Variants in LRP1B observed in about 807,000 individuals in gnomAD.
The protein encoded by LRP1B is LDL receptor related protein 1B, also known as low-density lipoprotein receptor-related protein 1B.
LRP1B carries 217 observed loss-of-function variants against 556.6 expected under a neutral mutation model. The ratio of observed to expected loss-of-function variants is 0.39; its 90% confidence interval spans 0.35 to 0.44. The LOEUF is 0.44. Ranked by LOEUF, LRP1B falls within the 20% of genes least tolerant of loss-of-function variation. The pLI, the probability that LRP1B is intolerant of heterozygous loss-of-function variation, is 1.00. For synonymous variants in LRP1B, 2,047 were observed against 1,865.8 expected (o/e 1.10, Z -2.50); for missense variants, 5,053 against 5,620.8 (o/e 0.90, Z 3.23).
intron 41 of LRP1B, among the ~76,000 whole-genome samples, chr2:140,697,071 A>T (rs972909586): frequency 6.6e-6 from 1 of 152,142 alleles, no homozygotes; most frequent in Non-Finnish European, 1.5e-5. Context: ...CTGTGATTTG[A>T]ACCCTGGGCT....
intron 41 of LRP1B, chr2:140,683,429 A>G (rs1392125002): frequency 5.5e-6 from 3 of 540,912 alleles, no homozygotes; most frequent in African/African-American, 1.9e-5. Flanking sequence ...GTTGAGGTGG[A>G]TAGTGCCACC....
rs529607241 is a variant in LRP1B, at chr2:141,697,533, G to A, written c.205+112746C>T. On this transcript the variant is annotated intron_variant, in intron 2 of 90. Coordinates refer to ENST00000389484, the MANE Select transcript of LRP1B (RefSeq NM_018557.3). ...AGACTACCTGAAGAAGCACTGGAAAGTAAATATAGATAGTTAAATGTAAAG... is the reference window on the plus strand; with the variant it reads ...AGACTACCTGAAGAAGCACTGGAAAATAAATATAGATAGTTAAATGTAAAG... Among the ~76,000 whole-genome samples the A allele has an allele frequency of 1.4e-3, 215 of 152,068 alleles. 1 individual carries two copies. Among genetic ancestry groups the A allele is most frequent in the Non-Finnish European group, 9.7e-4 (66 of 67,916 alleles).
At chr2:141,332,606 C>T (rs1018112968) in intron 3 of LRP1B, among the ~76,000 whole-genome samples, 2 of 151,778 alleles carry the variant, frequency 1.3e-5, no homozygotes, top group Non-Finnish European at 2.9e-5. Flanking sequence ...TGGGTTCTGT[C>T]TGTTCACAGC....
intron 68 of LRP1B, among the ~76,000 whole-genome samples, chr2:140,377,433 A>G (rs1310150060): frequency 6.6e-6 from 1 of 152,088 alleles, no homozygotes; most frequent in Non-Finnish European, 1.5e-5. Context: ...TGTGTTTCTG[A>G]TATTATCCAT....
intron 8 of LRP1B, among the ~76,000 whole-genome samples, chr2:141,061,267 A>G (rs1476690315): frequency 1.3e-5 from 2 of 151,802 alleles, no homozygotes; most frequent in African/African-American, 4.8e-5. Flanking sequence ...CTGATTAGAA[A>G]GTAAAAGTAA....
In LRP1B at chr2:140,742,506, C is replaced by T. The variant is rs552315763; in HGVS notation, c.5759-25690G>A. ...TCTTGCTATTCAATAAAACAGACGA[C>T]GAGAAGGAAACAATTCAACTGCTAC... is the stretch of plus-strand genomic sequence containing the variant. On this transcript the variant is annotated intron_variant, in intron 35 of 90. Transcript: ENST00000389484. Among the ~76,000 whole-genome samples, 12 of 152,038 alleles carry T rather than the reference C, an allele frequency of 7.9e-5. No individual in the cohort carries two copies. In the Middle Eastern group the frequency reaches 0.01, roughly 129 times the overall value.
chr2:140,463,068 TAAAC>T (rs1316069329), intron 60 of LRP1B, among the ~76,000 whole-genome samples: 3 of 152,086 alleles, frequency 2.0e-5, no homozygotes, highest in Non-Finnish European at 2.9e-5. Context: ...GGGGTGAGAT[TAAAC>T]AAAGGCTATG....
intron 2 of LRP1B, among the ~76,000 whole-genome samples, chr2:141,637,950 C>T (rs969231569): frequency 3.3e-5 from 5 of 152,088 alleles, no homozygotes; most frequent in African/African-American, 1.2e-4. Flanking sequence ...TCTGTAATCC[C>T]AACTCTTTAA....
At chr2:141,858,146 C>A (rs368355196) in intron 1 of LRP1B, among the ~76,000 whole-genome samples, 2 of 152,170 alleles carry the variant, frequency 1.3e-5, no homozygotes, top group South Asian at 4.1e-4. Context: ...AAAATACCTG[C>A]GTTAAATTTT....
intron 66 of LRP1B, among the ~76,000 whole-genome samples, chr2:140,400,661 T>C (rs1684456534): frequency 6.6e-6 from 1 of 152,132 alleles, no homozygotes; most frequent in Non-Finnish European, 1.5e-5. Flanking sequence ...GAGAATAACG[T>C]GTAGAGATTC....
chr2:141,646,579 A>C (rs1028740159), intron 2 of LRP1B, among the ~76,000 whole-genome samples: 2 of 152,164 alleles, frequency 1.3e-5, no homozygotes, highest in Non-Finnish European at 2.9e-5. Flanking sequence ...GGTGTATAGC[A>C]ACAACTAGGA....
chr2:141,866,123 T>C (rs997062491), intron 1 of LRP1B, among the ~76,000 whole-genome samples: 2 of 152,240 alleles, frequency 1.3e-5, no homozygotes, highest in Non-Finnish European at 2.9e-5. Context: ...GCTATGTTTT[T>C]ATCTACAGAG....
intron 3 of LRP1B, among the ~76,000 whole-genome samples, chr2:141,278,870 C>G (rs1685405425): frequency 6.6e-6 from 1 of 152,162 alleles, no homozygotes; most frequent in South Asian, 2.1e-4. Context: ...TTATCTGTCT[C>G]TGGCCAATAC....
chr2:141,662,849 C>G (rs950929550), intron 2 of LRP1B, among the ~76,000 whole-genome samples: 1 of 152,066 alleles, frequency 6.6e-6, no homozygotes, highest in Admixed American at 6.6e-5. Flanking sequence ...ATACAGAACT[C>G]TTCACCCCAA....
intron 1 of LRP1B, among the ~76,000 whole-genome samples, chr2:142,076,738 G>C (rs1184358015): frequency 6.6e-6 from 1 of 152,104 alleles, no homozygotes; most frequent in African/African-American, 2.4e-5. Context: ...AATCTCCGAA[G>C]AGGAGTCTTT....
Position 140,318,945 on chromosome 2 carries a change from A to G in LRP1B, c.12640+3018T>C, listed in dbSNP as rs559015892. 2.3e-4 allele frequency among the ~76,000 whole-genome samples: 35 copies of G among 152,232 alleles called. No individual in the cohort carries two copies. The South Asian group carries it at 5.2e-3, about 23-fold the overall frequency. ...ATTATTACTAATGTCAGTGGTAGTA[A>G]TATTAGTAGTATTTATTGTTAATTT... On this transcript the variant is annotated intron_variant, in intron 82 of 90. Transcript: ENST00000389484.
chr2:141,608,892 G>A (rs1214580924), intron 2 of LRP1B, among the ~76,000 whole-genome samples: 1 of 152,108 alleles, frequency 6.6e-6, no homozygotes, highest in Non-Finnish European at 1.5e-5. Flanking sequence ...AACGTTGGCT[G>A]ATAATTTTAT....
At chr2:141,083,378 A>G (rs1186217655) in intron 7 of LRP1B, among the ~76,000 whole-genome samples, 1 of 151,250 alleles carries the variant, frequency 6.6e-6, no homozygotes, top group Non-Finnish European at 1.5e-5. Context: ...AAGAAGGAAC[A>G]GGGATGATTA....
At position 140,850,081 on chromosome 2, in the gene LRP1B, TAA is replaced by T; in HGVS notation, c.4939+19_4939+20del. ...TGAATAACAAACACTTTTAAAGTTG[TAA>T]CATGTACGAATCTTTTACCTCTTGA... On this transcript the variant is annotated intron_variant, in intron 29 of 90. Coordinates refer to ENST00000389484, the MANE Select transcript of LRP1B (RefSeq NM_018557.3). 7.0e-7 allele frequency: 1 copy of T among 1,435,620 alleles called. No individual in the cohort carries two copies. Among genetic ancestry groups the T allele is most frequent in the South Asian group, 1.2e-5 (1 of 85,488 alleles). 88.9% of individuals were successfully genotyped at this position (1,435,620 alleles called of 1,614,324 possible).
Sources: allele counts gnomAD v4.1 joint callset (sites outside exome capture counted in the v4.1 genomes callset), GRCh38; gene constraint gnomAD v4.1.1; transcripts MANE v1.5; gene names NCBI Gene and HGNC (gene_info 2026-07-23, HGNC 2026-07-21).